The following SUGCT variants were observed in gnomAD, a reference collection of about 807,000 sequenced individuals.
SUGCT encodes the protein succinyl-CoA:glutarate CoA-transferase.
In SUGCT, 41 loss-of-function variants were observed where a neutral mutation model predicts 55.0. The observed-to-expected ratio is 0.74, with a 90% CI of 0.58 to 0.97. The LOEUF (loss-of-function observed/expected upper bound fraction) is 0.97, where lower values mean the gene tolerates loss of function less well. Among genes scored for constraint, SUGCT ranks in the 50% least tolerant of loss-of-function variants. SUGCT has a pLI of 0.00. For synonymous variants in SUGCT, 187 were observed against 200.4 expected, an observed-to-expected ratio of 0.93 and a Z score of 0.56; for missense variants, 568 against 547.8, an observed-to-expected ratio of 1.04 and a Z score of -0.37.
chr7:40,816,859 A>G (rs1462101717), intron 13 of SUGCT, among the ~76,000 whole-genome samples: 1 of 152,250 alleles, frequency 6.6e-6, no homozygotes, highest in Non-Finnish European at 1.5e-5. Flanking sequence ...CTGCAATATT[A>G]GCTATGGCCA....
At chr7:40,947,037 T>G in the SUGCT span, among the ~76,000 whole-genome samples, 2,333 of 152,296 alleles carry the variant, frequency 0.015, 56 homozygotes, top group African/African-American at 0.051. Context: ...GCATTTTATC[T>G]TCTAATATTT....
intron 1 of SUGCT, among the ~76,000 whole-genome samples, chr7:40,175,475 C>T (rs917496035): frequency 3.9e-5 from 6 of 152,192 alleles, no homozygotes; most frequent in Non-Finnish European, 7.3e-5. Flanking sequence ...CTGCCTCCTC[C>T]TCCCAAAGTG....
intron 1 of SUGCT, among the ~76,000 whole-genome samples, chr7:40,143,903 G>A (rs552134486): frequency 3.3e-5 from 5 of 152,180 alleles, no homozygotes; most frequent in African/African-American, 1.2e-4. Flanking sequence ...TTGAGGGTTC[G>A]AGATAATAAC....
the SUGCT span, among the ~76,000 whole-genome samples, chr7:40,921,900 T>C: frequency 6.6e-6 from 1 of 152,144 alleles, no homozygotes; most frequent in East Asian, 1.9e-4. Context: ...ATTTAGAACA[T>C]TAAAATTAAA....
intron 12 of SUGCT, among the ~76,000 whole-genome samples, chr7:40,677,977 C>G (rs532743355): frequency 4.3e-4 from 65 of 152,304 alleles, no homozygotes; most frequent in African/African-American, 1.5e-3. Context: ...GGCTGGCCAG[C>G]TTGACCTGGC....
At chr7:40,350,692 G>A (rs1054279666) in intron 9 of SUGCT, among the ~76,000 whole-genome samples, 3 of 151,966 alleles carry the variant, frequency 2.0e-5, no homozygotes, top group African/African-American at 7.3e-5. Context: ...TGCAGAATGT[G>A]TAGGTTTGTT....
In SUGCT at chr7:40,223,010, C is replaced by T. The variant is rs146021150; in HGVS notation, c.485-14625C>T. 1.4e-3 allele frequency among the ~76,000 whole-genome samples: 205 copies of T among 148,556 alleles called. 6 individuals are homozygous for T. The East Asian group carries it at 0.034, about 25-fold the overall frequency. The stretch of plus-strand genomic sequence containing the variant: ...CTTTCCTTCCTTCCTTCCTTCCTTC[C>T]TTCCTTCCTTCCTTCCTTCCTTCCT... On this transcript the variant is annotated intron_variant, in intron 6 of 13. Coordinates refer to ENST00000335693, the MANE Select transcript of SUGCT (RefSeq NM_001193313.2).
chr7:40,518,527 A>T (rs142373855), intron 12 of SUGCT, among the ~76,000 whole-genome samples: 19 of 152,290 alleles, frequency 1.2e-4, no homozygotes, highest in African/African-American at 4.3e-4. Flanking sequence ...ATGCAAACAG[A>T]TACTTAGATG....
chr7:40,479,545 C>T (rs1345673745), intron 11 of SUGCT, among the ~76,000 whole-genome samples: 1 of 152,066 alleles, frequency 6.6e-6, no homozygotes, highest in Non-Finnish European at 1.5e-5. Context: ...TGACTGTATA[C>T]CTAGAAGTGA....
chr7:40,884,758 G>A, the SUGCT span, among the ~76,000 whole-genome samples: 1 of 152,176 alleles, frequency 6.6e-6, no homozygotes. Context: ...AGAGTGCAAT[G>A]GAGTCACAAA....
chr7:40,986,884 TA>T, the SUGCT span, among the ~76,000 whole-genome samples: 1 of 152,066 alleles, frequency 6.6e-6, no homozygotes, highest in African/African-American at 2.4e-5. Flanking sequence ...CCAAAAGAAA[TA>T]AAAAAACCTC....
At chr7:40,145,480 A>G (rs1031033745) in intron 1 of SUGCT, among the ~76,000 whole-genome samples, 3 of 151,336 alleles carry the variant, frequency 2.0e-5, no homozygotes, top group Non-Finnish European at 4.4e-5. Context: ...ACTATATAAC[A>G]TTCGTTTTTA....
At chr7:40,475,278 T>C (rs1442779216) in intron 11 of SUGCT, among the ~76,000 whole-genome samples, 1 of 152,210 alleles carries the variant, frequency 6.6e-6, no homozygotes, top group East Asian at 1.9e-4. Flanking sequence ...TTGTTTGGGT[T>C]CAGCAATAGA....
the SUGCT span, chr7:40,979,945 C>G: frequency 6.6e-6 from 1 of 152,172 alleles, no homozygotes; most frequent in African/African-American, 2.4e-5. Flanking sequence ...TGAGTGGGTT[C>G]ATCTGCTCAG....
intron 9 of SUGCT, 105 bp downstream of exon 9, chr7:40,316,960 T>TTG (rs1554309243): frequency 5.8e-6 from 3 of 521,564 alleles, no homozygotes; most frequent in African/African-American, 3.9e-5. Context: ...CAGCTGTTTT[T>TTG]TTTTTTTTTT....
intron 12 of SUGCT, among the ~76,000 whole-genome samples, chr7:40,723,365 T>C (rs1463440782): frequency 1.3e-5 from 2 of 152,142 alleles, no homozygotes; most frequent in East Asian, 3.9e-4. Context: ...CCCACTCTAG[T>C]GGTGTTTAGC....
At chr7:40,909,825 G>A in the SUGCT span, among the ~76,000 whole-genome samples, 5 of 152,288 alleles carry the variant, frequency 3.3e-5, no homozygotes, top group South Asian at 1.0e-3. Flanking sequence ...GAATTCATCT[G>A]TACGAAATTC....
intron 7 of SUGCT, among the ~76,000 whole-genome samples, chr7:40,263,022 A>G (rs1791329066): frequency 6.6e-6 from 1 of 152,168 alleles, no homozygotes; most frequent in African/African-American, 2.4e-5. Flanking sequence ...TCCTGTTTTC[A>G]GACGATTCTG....
chr7:41,003,336 T>C, the SUGCT span, among the ~76,000 whole-genome samples: 1 of 151,990 alleles, frequency 6.6e-6, no homozygotes, highest in Non-Finnish European at 1.5e-5. Flanking sequence ...AAAAGAAGAA[T>C]TGTCATAAAT....
Sources: allele counts gnomAD v4.1 joint callset (sites outside exome capture counted in the v4.1 genomes callset), GRCh38; gene constraint gnomAD v4.1.1; transcripts MANE v1.5; gene names NCBI Gene and HGNC (gene_info 2026-07-23, HGNC 2026-07-21).